Variants in KCNIP4 observed in about 807,000 individuals in gnomAD.
KCNIP4 encodes Kv channel-interacting protein 4.
In KCNIP4, 12 loss-of-function variants were observed where a neutral mutation model predicts 34.0. The observed-to-expected ratio is 0.35, with a 90% confidence interval of 0.23 to 0.57. The LOEUF (loss-of-function observed/expected upper bound fraction) is 0.57. KCNIP4 is among the 20% of genes least tolerant of loss of function. The pLI is 0.83. For missense variants in KCNIP4, 238 were observed against 311.7 expected, an observed-to-expected ratio of 0.76 and a Z score of 1.78; for synonymous variants, 124 against 102.2, an observed-to-expected ratio of 1.21 and a Z score of -1.29.
chr4:20,802,289 A>T lies in KCNIP4; in HGVS notation c.289-43399T>A, dbSNP rs202187335. Among the ~76,000 whole-genome samples the T allele has an allele frequency of 3.6e-3, 172 of 47,902 alleles. 20 individuals carry two copies. The highest frequency in any genetic ancestry group is 8.1e-3 in the African/African-American group (136 of 16,688). 31.4% of individuals were successfully genotyped at this position (47,902 alleles called of 152,430 possible). A position where few individuals can be genotyped will look rare whatever the true frequency, so the allele number is the denominator to read the frequency against. On this transcript the variant is annotated intron_variant, in intron 3 of 8. Coordinates refer to ENST00000382152, the MANE Select transcript of KCNIP4 (RefSeq NM_025221.6). ...CTATATATATGCTATATATATATGC[A>T]ATATATATATGCAATATATATATAT...
chr4:21,836,564 A>T (rs1723332365), intron 1 of KCNIP4, among the ~76,000 whole-genome samples: 1 of 152,218 alleles, frequency 6.6e-6, no homozygotes, highest in Non-Finnish European at 1.5e-5. Context: ...GGCTGTTGGA[A>T]AATTTGCAGT....
chr4:21,195,403 G>T (rs566937600), intron 1 of KCNIP4, among the ~76,000 whole-genome samples: 23 of 152,256 alleles, frequency 1.5e-4, no homozygotes, highest in Middle Eastern at 3.4e-3. Flanking sequence ...TAGGTTTGCC[G>T]AATAAAAGAC....
At chr4:21,014,920 T>C (rs971210054) in intron 1 of KCNIP4, among the ~76,000 whole-genome samples, 7 of 152,200 alleles carry the variant, frequency 4.6e-5, no homozygotes, top group Admixed American at 4.6e-4. Context: ...TACAATGGAA[T>C]ATTATTTAGC....
rs75335254 is a variant in KCNIP4, at chr4:21,441,455, T to G, written c.61+507116A>C. Among the ~76,000 whole-genome samples, 1,179 of 152,270 alleles carry G rather than the reference T, an allele frequency of 7.7e-3. 13 individuals are homozygous for G. Among genetic ancestry groups the G allele is most frequent in the African/African-American group, 0.027 (1,112 of 41,564 alleles). On this transcript the variant is annotated intron_variant, in intron 1 of 8. Coordinates refer to ENST00000382152, the MANE Select transcript of KCNIP4 (RefSeq NM_025221.6). ...ATCGCGCCCGGCCACGACACCTTTCTTAATGTCCCTTTCCCCATTGTTCAC... is the reference window on the plus strand; with the variant it reads ...ATCGCGCCCGGCCACGACACCTTTCGTAATGTCCCTTTCCCCATTGTTCAC...
intron 1 of KCNIP4, among the ~76,000 whole-genome samples, chr4:21,308,970 C>CTTAG (rs1553857854): frequency 1.3e-5 from 2 of 151,552 alleles, no homozygotes; most frequent in Non-Finnish European, 2.9e-5. Context: ...AATGAACGTG[C>CTTAG]TTAGAGACAC....
At chr4:21,504,194 G>A (rs1459627547) in intron 1 of KCNIP4, among the ~76,000 whole-genome samples, 1 of 152,046 alleles carries the variant, frequency 6.6e-6, no homozygotes, top group Non-Finnish European at 1.5e-5. Context: ...TGGGCTAGGT[G>A]CAGTGGCTCA....
intron 1 of KCNIP4, among the ~76,000 whole-genome samples, chr4:21,602,010 G>A (rs1013546670): frequency 6.6e-6 from 1 of 152,058 alleles, no homozygotes; most frequent in Non-Finnish European, 1.5e-5. Context: ...TACTAATATA[G>A]TCATGCCCCT....
intron 1 of KCNIP4, among the ~76,000 whole-genome samples, chr4:21,225,202 A>T (rs1430076954): frequency 6.6e-6 from 1 of 152,162 alleles, no homozygotes; most frequent in East Asian, 1.9e-4. Context: ...GAGGTTACTG[A>T]TGCCCTGATC....
intron 3 of KCNIP4, among the ~76,000 whole-genome samples, chr4:20,785,336 T>C (rs1711829215): frequency 6.6e-6 from 1 of 151,412 alleles, no homozygotes; most frequent in Non-Finnish European, 1.5e-5. Flanking sequence ...TTCTTTTTTT[T>C]TTTTTTTGCT....
At chr4:21,055,823 C>T (rs76619348) in intron 1 of KCNIP4, among the ~76,000 whole-genome samples, 7 of 152,178 alleles carry the variant, frequency 4.6e-5, no homozygotes, top group South Asian at 2.1e-4. Flanking sequence ...GGATTATTAA[C>T]GAAGTAAAAA....
intron 6 of KCNIP4, among the ~76,000 whole-genome samples, chr4:20,734,179 T>C (rs1222851280): frequency 6.6e-5 from 10 of 152,196 alleles, no homozygotes; most frequent in Admixed American, 1.3e-4. Flanking sequence ...TCTGTGAACC[T>C]TGTTTCCTGG....
At chr4:21,907,204 G>T (rs2108976372) in intron 1 of KCNIP4, among the ~76,000 whole-genome samples, 1 of 152,200 alleles carries the variant, frequency 6.6e-6, no homozygotes, top group East Asian at 1.9e-4. Context: ...TGAGGGACTG[G>T]GTTAATTCTC....
intron 1 of KCNIP4, among the ~76,000 whole-genome samples, chr4:21,432,886 T>C (rs1424355071): frequency 6.6e-6 from 1 of 152,118 alleles, no homozygotes; most frequent in African/African-American, 2.4e-5. Flanking sequence ...TTTTTAGTAG[T>C]GCCATCGTCA....
intron 1 of KCNIP4, among the ~76,000 whole-genome samples, chr4:21,744,362 C>T (rs1716628700): frequency 6.6e-6 from 1 of 152,138 alleles, no homozygotes. Flanking sequence ...CCCTGCCTCC[C>T]TGGAATTCCA....
At chr4:20,845,614 A>G in intron 3 of KCNIP4, among the ~76,000 whole-genome samples, 1 of 152,162 alleles carries the variant, frequency 6.6e-6, no homozygotes, top group East Asian at 1.9e-4. Flanking sequence ...CACATAACAC[A>G]GAGGTGATGG....
chr4:21,181,537 C>T (rs1754844076), intron 1 of KCNIP4, among the ~76,000 whole-genome samples: 1 of 152,072 alleles, frequency 6.6e-6, no homozygotes, highest in Non-Finnish European at 1.5e-5. Context: ...TCCATCCAAA[C>T]CATATGTACT....
At chr4:21,314,063 C>T (rs538843149) in intron 1 of KCNIP4, among the ~76,000 whole-genome samples, 2 of 152,144 alleles carry the variant, frequency 1.3e-5, no homozygotes, top group Non-Finnish European at 2.9e-5. Context: ...GGATTCACTT[C>T]CTTGTAGTTT....
chr4:21,860,258 C>T (rs1162342571), intron 1 of KCNIP4, among the ~76,000 whole-genome samples: 1 of 152,074 alleles, frequency 6.6e-6, no homozygotes, highest in African/African-American at 2.4e-5. Flanking sequence ...CTCAGCCTCC[C>T]AAGTAGCTGA....
In KCNIP4 at chr4:20,892,923, A is replaced by G. The variant is rs376211081; in HGVS notation, c.62-10214T>C. ...CCTTGCTCCTCTGAACAATTTGCCAAAACTACTTCTACAGGGCTATCCTTT... is the reference window on the plus strand; with the variant it reads ...CCTTGCTCCTCTGAACAATTTGCCAGAACTACTTCTACAGGGCTATCCTTT... On this transcript the variant is annotated intron_variant, in intron 1 of 8. Coordinates refer to ENST00000382152, the MANE Select transcript of KCNIP4 (RefSeq NM_025221.6). Among the ~76,000 whole-genome samples the G allele has an allele frequency of 1.5e-4, 23 of 152,310 alleles. 1 individual carries two copies. The East Asian group carries it at 4.1e-3, about 27-fold the overall frequency.
Sources: allele counts gnomAD v4.1 joint callset (sites outside exome capture counted in the v4.1 genomes callset), GRCh38; gene constraint gnomAD v4.1.1; transcripts MANE v1.5; gene names NCBI Gene and HGNC (gene_info 2026-07-23, HGNC 2026-07-21).